The following SGIP1 variants were observed in gnomAD, a reference collection of about 807,000 sequenced individuals.
SGIP1 encodes the protein SH3-containing GRB2-like protein 3-interacting protein 1.
SGIP1 carries 38 observed loss-of-function variants against 107.5 expected under a neutral mutation model. The observed-to-expected ratio is 0.35, with a 90% CI of 0.27 to 0.46. The LOEUF (loss-of-function observed/expected upper bound fraction) is 0.46. SGIP1 is among the 20% of genes least tolerant of loss of function. The pLI is 1.00. For synonymous variants in SGIP1, 365 were observed against 366.1 expected (o/e 1.00, Z 0.03); for missense variants, 929 against 1,019.5 (o/e 0.91, Z 1.21).
At chr1:66,661,976 C>T (rs1261330592) in intron 8 of SGIP1, among the ~76,000 whole-genome samples, 4 of 152,038 alleles carry the variant, frequency 2.6e-5, no homozygotes, top group Non-Finnish European at 5.9e-5. Flanking sequence ...TTTCTCTTCC[C>T]AAATGAAGTT....
intron 3 of SGIP1, 145 bp from the exon 4 acceptor site, chr1:66,635,799 C>A: frequency 1.3e-6 from 1 of 774,386 alleles, no homozygotes; most frequent in Non-Finnish European, 2.1e-6. Flanking sequence ...AGGAACCCTG[C>A]CAAGATTGGT....
chr1:66,629,742 G>A (rs2073836770), intron 2 of SGIP1, among the ~76,000 whole-genome samples: 1 of 152,094 alleles, frequency 6.6e-6, no homozygotes, highest in South Asian at 2.1e-4. Context: ...TCATTAGAGG[G>A]GGTTAGAAAG....
At chr1:66,641,094 G>C (rs2076705509) in intron 5 of SGIP1, among the ~76,000 whole-genome samples, 1 of 152,008 alleles carries the variant, frequency 6.6e-6, no homozygotes. Context: ...GGGATAGAAA[G>C]AGAAAGGAAA....
At chr1:66,733,292 T>C (rs2094101116) in intron 20 of SGIP1, among the ~76,000 whole-genome samples, 1 of 152,218 alleles carries the variant, frequency 6.6e-6, no homozygotes. Context: ...ATAAAGACCA[T>C]GTTTACATTT....
At chr1:66,576,551 G>A (rs2061093254) in intron 1 of SGIP1, among the ~76,000 whole-genome samples, 1 of 152,144 alleles carries the variant, frequency 6.6e-6, no homozygotes, top group Non-Finnish European at 1.5e-5. Context: ...AACACTCAAG[G>A]AATTGATAGC....
chr1:66,750,021 C>CTG lies in SGIP1; in HGVS notation c.*6937_*6938dup, dbSNP rs368067462. Among the ~76,000 whole-genome samples, 21 of 137,730 alleles carry CTG rather than the reference C, an allele frequency of 1.5e-4. No homozygotes were observed. In the South Asian group the frequency reaches 1.8e-3, roughly 12 times the overall value. 90.4% of individuals were successfully genotyped at this position (137,730 alleles called of 152,430 possible). ...TCTCTCTCTCTCTCTCTCTCTTTCT[C>CTG]TGTGTGTGTGTGGGGGTGTGTGTGT... On this transcript the variant is annotated 3_prime_UTR_variant, in exon 25 of 25. Transcript: ENST00000371037.
Position 66,639,956 on chromosome 1 carries a change from G to A in SGIP1, c.228+123G>A, listed in dbSNP as rs769546056. The A allele has an allele frequency of 1.3e-3, 936 of 727,392 alleles. 8 individuals are homozygous for A. Among genetic ancestry groups the A allele is most frequent in the Middle Eastern group, 4.6e-3 (13 of 2,844 alleles). The allele number at this position is 727,392 out of a possible 1,614,324, so 45.1% of individuals were successfully genotyped here. On this transcript the variant is annotated intron_variant, in intron 5 of 24. Coordinates refer to ENST00000371037, the MANE Select transcript of SGIP1 (RefSeq NM_032291.4). ...TCTCCATGTCATTAGGAAGTGTCTG[G>A]CATATTTAGGATGGGGCTAAGAACA...
At chr1:66,626,137 C>CTTTTTTTTTTTTTTTTTTTTTTTTTT (rs35959436) in intron 2 of SGIP1, 2 of 121,928 alleles carry the variant, frequency 1.6e-5, no homozygotes, top group Non-Finnish European at 1.6e-5. Flanking sequence ...TTCTTTCTTT[C>CTTTTTTTTTTTTTTTTTTTTTTTTTT]TTTTTTTTTT....
intron 18 of SGIP1, among the ~76,000 whole-genome samples, chr1:66,697,656 T>C (rs920850875): frequency 2.0e-5 from 3 of 152,212 alleles, no homozygotes; most frequent in Admixed American, 6.5e-5. Flanking sequence ...AAAACGGCTA[T>C]ATTTTTTAAA....
chr1:66,735,276 C>A (rs1317006958), intron 21 of SGIP1, among the ~76,000 whole-genome samples: 1 of 152,038 alleles, frequency 6.6e-6, no homozygotes, highest in Non-Finnish European at 1.5e-5. Context: ...AGTGCAGTGG[C>A]ACGATCTCGG....
At chr1:66,706,333 A>C (rs1216910381) in intron 18 of SGIP1, among the ~76,000 whole-genome samples, 2 of 109,868 alleles carry the variant, frequency 1.8e-5, no homozygotes, top group African/African-American at 7.2e-5. Flanking sequence ...TATATTATAT[A>C]ATATGTAAAA....
chr1:66,716,649 C>G (rs1322217016), intron 18 of SGIP1, among the ~76,000 whole-genome samples: 1 of 152,062 alleles, frequency 6.6e-6, no homozygotes, highest in Non-Finnish European at 1.5e-5. Flanking sequence ...TCAGGGTGTT[C>G]TAACCCCAGT....
chr1:66,631,696 TCTCTCTCTC>T, intron 2 of SGIP1, among the ~76,000 whole-genome samples: 1 of 35,052 alleles, frequency 2.9e-5, no homozygotes, highest in Non-Finnish European at 4.6e-5. Context: ...TCTCTCTCTC[TCTCTCTCTC>T]TCTCTCTCTC....
At chr1:66,673,940 G>C (rs1393717940) in intron 12 of SGIP1, among the ~76,000 whole-genome samples, 1 of 152,118 alleles carries the variant, frequency 6.6e-6, no homozygotes, top group Non-Finnish European at 1.5e-5. Flanking sequence ...TGCTGAGATA[G>C]GATTGCTTGA....
At chr1:66,740,082 T>A (rs1203737766) in intron 22 of SGIP1, among the ~76,000 whole-genome samples, 1 of 152,202 alleles carries the variant, frequency 6.6e-6, no homozygotes, top group Non-Finnish European at 1.5e-5. Flanking sequence ...ATGCAATTGG[T>A]AAACCTAATT....
At chr1:66,710,498 G>T (rs972336367) in intron 18 of SGIP1, among the ~76,000 whole-genome samples, 6 of 152,114 alleles carry the variant, frequency 3.9e-5, no homozygotes, top group South Asian at 4.2e-4. Context: ...GCAGTTACTG[G>T]ATTCTGAAGA....
Position 66,607,333 on chromosome 1 carries a change from G to T in SGIP1, c.11-18514G>T, listed in dbSNP as rs371650157. Among the ~76,000 whole-genome samples, 7 of 152,332 alleles carry T rather than the reference G, an allele frequency of 4.6e-5. No homozygotes were observed. In the East Asian group the frequency reaches 7.7e-4, roughly 17 times the overall value. ...AGTGTTCAGGTAGCCCAGTATCCTTGCATATGCATTATTTATAAATAAAAC... is the reference window on the plus strand; with the variant it reads ...AGTGTTCAGGTAGCCCAGTATCCTTTCATATGCATTATTTATAAATAAAAC... On this transcript the variant is annotated intron_variant, in intron 1 of 24. Transcript: ENST00000371037.
At chr1:66,701,605 A>C (rs951360944) in intron 18 of SGIP1, among the ~76,000 whole-genome samples, 5 of 152,228 alleles carry the variant, frequency 3.3e-5, no homozygotes, top group Admixed American at 3.3e-4. Context: ...GTGGAGCTGA[A>C]CCTGCAAAAT....
At chr1:66,572,170 G>C (rs2060470050) in intron 1 of SGIP1, among the ~76,000 whole-genome samples, 1 of 152,034 alleles carries the variant, frequency 6.6e-6, no homozygotes, top group Admixed American at 6.6e-5. Flanking sequence ...CCTAAAGAGA[G>C]AGAAATACAG....
Sources: allele counts gnomAD v4.1 joint callset (sites outside exome capture counted in the v4.1 genomes callset), GRCh38; gene constraint gnomAD v4.1.1; transcripts MANE v1.5; gene names NCBI Gene and HGNC (gene_info 2026-07-23, HGNC 2026-07-21).